ZNF519: variants seen among roughly 807,000 people sequenced by gnomAD.
ZNF519 encodes zinc finger protein 519.
A neutral mutation model predicts 7.4 loss-of-function variants in ZNF519; 7 were observed. The observed-to-expected ratio is 0.94, with a 90% CI of 0.54 to 1.77. ZNF519 has a LOEUF of 1.77. ZNF519 is among the 40% of genes most tolerant of loss of function. ZNF519 has a pLI of 0.00. For missense variants in ZNF519, 586 were observed against 623.1 expected (o/e 0.94, Z 0.63); for synonymous variants, 179 against 203.3 (o/e 0.88, Z 1.02).
intron 2 of ZNF519, among the ~76,000 whole-genome samples, chr18:14,111,056 TCTAG>T (rs961114883): frequency 6.7e-5 from 10 of 149,918 alleles, no homozygotes; most frequent in African/African-American, 2.5e-4. Flanking sequence ...TAATGATGTA[TCTAG>T]CAAACAAAGC....
intron 2 of ZNF519, among the ~76,000 whole-genome samples, chr18:14,109,825 A>C (rs902974937): frequency 6.6e-6 from 1 of 152,146 alleles, no homozygotes; most frequent in Non-Finnish European, 1.5e-5. Flanking sequence ...GAACTATAAA[A>C]AACAATCCTA....
intron 2 of ZNF519, chr18:14,122,567 G>A (rs575879992): frequency 6.6e-6 from 1 of 152,080 alleles, no homozygotes; most frequent in South Asian, 2.1e-4. Context: ...GTGATAAAGG[G>A]GACATTGGGT....
downstream of ZNF519, chr18:14,075,299 C>T (rs1159568623): frequency 6.6e-6 from 1 of 152,234 alleles, no homozygotes; most frequent in African/African-American, 2.4e-5. Context: ...CGCCATTCCA[C>T]TTGCCAGTCA....
At chr18:14,083,736 G>A (rs1433775331) in intron 3 of ZNF519, among the ~76,000 whole-genome samples, 2 of 152,122 alleles carry the variant, frequency 1.3e-5, no homozygotes, top group Non-Finnish European at 2.9e-5. Flanking sequence ...TTTTGGGCCA[G>A]AATCACACTG....
rs560345989 is a variant in ZNF519 at position 14,117,749 on chromosome 18, G to C, written c.130+6601C>G. ...AAGAGGGAGTGAGTCATCTCACATGGTGGGAGCAGGAGCAAGACAGAGTGA... is the reference window on the plus strand; with the variant it reads ...AAGAGGGAGTGAGTCATCTCACATGCTGGGAGCAGGAGCAAGACAGAGTGA... On this transcript the variant is annotated intron_variant, in intron 2 of 2. Coordinates refer to ENST00000590202, the MANE Select transcript of ZNF519 (RefSeq NM_145287.4). 3.9e-5 allele frequency among the ~76,000 whole-genome samples: 6 copies of C among 152,282 alleles called. No individual in the cohort carries two copies. The South Asian group carries it at 1.2e-3, about 32-fold the overall frequency.
chr18:14,079,691 G>A (rs529944769), intron 3 of ZNF519, among the ~76,000 whole-genome samples: 45 of 152,240 alleles, frequency 3.0e-4, no homozygotes, highest in Admixed American at 7.2e-4. Flanking sequence ...GGTGCTAGAA[G>A]AACTGGACAT....
chr18:14,120,982 C>T (rs2046267096), intron 2 of ZNF519, among the ~76,000 whole-genome samples: 1 of 151,874 alleles, frequency 6.6e-6, no homozygotes, highest in Non-Finnish European at 1.5e-5. Context: ...CATACACACA[C>T]ACAGAGAAGA....
rs1173167983 is a variant in ZNF519 at position 14,101,981 on chromosome 18, T to C, written c.*2936A>G. 3 of 371,978 alleles carry C rather than the reference T, an allele frequency of 8.1e-6. No individual in the cohort carries two copies. Among genetic ancestry groups the C allele is most frequent in the Non-Finnish European group, 1.4e-5 (3 of 210,528 alleles). 23.0% of individuals were successfully genotyped at this position (371,978 alleles called of 1,614,324 possible). A position where few individuals can be genotyped will look rare whatever the true frequency, so the allele number is the denominator to read the frequency against. Reference sequence around the variant, plus strand: ...TAAGACATATAATATTCTCTAATATTCAGGAATAAAGAGGTTTCCTACTGA... The same window carrying C: ...TAAGACATATAATATTCTCTAATATCCAGGAATAAAGAGGTTTCCTACTGA... On this transcript the variant is annotated 3_prime_UTR_variant, in exon 3 of 3. Coordinates refer to ENST00000590202, the MANE Select transcript of ZNF519 (RefSeq NM_145287.4).
chr18:14,126,033 C>A (rs1745055723), intron 1 of ZNF519, among the ~76,000 whole-genome samples: 1 of 152,064 alleles, frequency 6.6e-6, no homozygotes, highest in South Asian at 2.1e-4. Flanking sequence ...TAGTTTTTCC[C>A]CTTTTATCTC....
intron 1 of ZNF519, among the ~76,000 whole-genome samples, chr18:14,127,448 A>T (rs2046306115): frequency 6.6e-6 from 1 of 152,138 alleles, no homozygotes; most frequent in Non-Finnish European, 1.5e-5. Flanking sequence ...GGGTTACAGC[A>T]AGCAGAGTAA....
intron 1 of ZNF519, among the ~76,000 whole-genome samples, chr18:14,131,525 C>T (rs2046329856): frequency 6.6e-6 from 1 of 152,192 alleles, no homozygotes; most frequent in South Asian, 2.1e-4. Context: ...AGGCGAAAAC[C>T]AGTGTCTTTG....
chr18:14,075,009 G>A (rs750925534), downstream of ZNF519: 3 of 152,246 alleles, frequency 2.0e-5, no homozygotes, highest in Non-Finnish European at 2.9e-5. Context: ...CATGGCGGAA[G>A]GTAAGCAGGA....
chr18:14,092,735 G>C lies in ZNF519; in HGVS notation c.131-7659C>G, dbSNP rs183358975. ...CACCATGCATATATATGTACATCCT[G>C]AGGAAGATTCTCTCCTCGACCGAGT... On this transcript the variant is annotated intron_variant and NMD_transcript_variant, in intron 2 of 4. Transcript: ENST00000587419. 1.9e-3 allele frequency among the ~76,000 whole-genome samples: 295 copies of C among 151,908 alleles called. 2 individuals are homozygous for C. Among genetic ancestry groups the C allele is most frequent in the African/African-American group, 6.8e-3 (282 of 41,186 alleles).
intron 2 of ZNF519, among the ~76,000 whole-genome samples, chr18:14,111,836 G>A (rs1263785988): frequency 6.6e-6 from 1 of 152,032 alleles, no homozygotes; most frequent in Non-Finnish European, 1.5e-5. Flanking sequence ...CACTGAATTC[G>A]ACCAAACATG....
At chr18:14,097,617 T>C (rs2046142220), downstream of ZNF519, among the ~76,000 whole-genome samples, 1 of 152,216 alleles carries the variant, frequency 6.6e-6, no homozygotes, top group Non-Finnish European at 1.5e-5. Context: ...GCATTTGGTT[T>C]AGAATGGTAA....
intron 2 of ZNF519, among the ~76,000 whole-genome samples, chr18:14,111,109 A>T (rs2143138844): frequency 6.6e-6 from 1 of 152,022 alleles, no homozygotes; most frequent in African/African-American, 2.4e-5. Flanking sequence ...ATCAAAGCAG[A>T]AATAAATGAA....
chr18:14,084,219 T>A (rs2046081031), intron 3 of ZNF519: 1 of 152,228 alleles, frequency 6.6e-6, no homozygotes, highest in African/African-American at 2.4e-5. Flanking sequence ...TAGTTCTGAC[T>A]CTTCTTTCTT....
At chr18:14,078,026 A>G (rs2046055164) in intron 4 of ZNF519, among the ~76,000 whole-genome samples, 2 of 152,256 alleles carry the variant, frequency 1.3e-5, no homozygotes, top group Non-Finnish European at 1.5e-5. Context: ...TTTCGGGATA[A>G]AACTGTTCCA....
exon 5 of ZNF519, chr18:14,076,784 A>T (rs977181387): frequency 1.3e-5 from 2 of 152,152 alleles, no homozygotes; most frequent in South Asian, 2.1e-4. Context: ...GACCTTTTTT[A>T]AAAATACAAA....
Sources: allele counts gnomAD v4.1 joint callset (sites outside exome capture counted in the v4.1 genomes callset), GRCh38; gene constraint gnomAD v4.1.1; transcripts MANE v1.5; gene names NCBI Gene and HGNC (gene_info 2026-07-23, HGNC 2026-07-21).